SLAIN2: variants seen among roughly 807,000 people sequenced by gnomAD.
SLAIN2 encodes SLAIN family member 2.
In SLAIN2, 31 loss-of-function variants were observed where a neutral mutation model predicts 56.6. The ratio of observed to expected loss-of-function variants is 0.55; its 90% CI spans 0.41 to 0.74. The LOEUF is 0.74. SLAIN2 is among the 30% of genes least tolerant of loss of function. The probability of loss-of-function intolerance (pLI) is 0.00; values close to 1 mark genes in which losing one functional copy is unlikely to be tolerated. For missense variants in SLAIN2, 777 were observed against 754.2 expected (o/e 1.03, Z -0.35); for synonymous variants, 317 against 284.9 (o/e 1.11, Z -1.13).
intron 2 of SLAIN2, among the ~76,000 whole-genome samples, chr4:48,375,134 C>G (rs1371852409): frequency 6.6e-6 from 1 of 152,006 alleles, no homozygotes; most frequent in Non-Finnish European, 1.5e-5. Context: ...GATAAAAAGG[C>G]TTAGAACTTG....
In SLAIN2 at chr4:48,396,688, T is replaced by C. The variant is rs1211692202; in HGVS notation, c.1360+12904T>C. Among the ~76,000 whole-genome samples, 3 of 152,196 alleles carry C rather than the reference T, an allele frequency of 2.0e-5. No homozygotes were observed. The East Asian group carries it at 5.8e-4, about 29-fold the overall frequency. ...TAAAGAAACATGGACCAACAGGTGA[T>C]AAATTGGCACACAAATCAATTCATC... On this transcript the variant is annotated intron_variant, in intron 6 of 7. Transcript: ENST00000264313.
chr4:48,405,362 T>G (rs1716665998), intron 6 of SLAIN2, among the ~76,000 whole-genome samples: 1 of 152,210 alleles, frequency 6.6e-6, no homozygotes, highest in African/African-American at 2.4e-5. Flanking sequence ...AGTTTTGCCT[T>G]TTTGATATGT....
In SLAIN2 at chr4:48,420,233, A is replaced by G; in HGVS notation, c.1469A>G (p.Glu490Gly). 6.2e-7 allele frequency: 1 copy of G among 1,613,984 alleles called. No individual in the cohort carries two copies. The highest frequency in any genetic ancestry group is 1.1e-5 in the South Asian group (1 of 91,084). ...NHGSGSPGSQ[E>G]ITQLTQTTSS... is the part of the protein sequence containing the mutation. ...GGCTCTGGTTCTCCTGGTAGCCAAG[A>G]AATAACACAGCTCACACAAACCACC... is the stretch of plus-strand genomic sequence containing the variant. The change falls in exon 7 of 8, where the codon GAA becomes GGA. Residue 490 changes from glutamate to glycine, a missense_variant. Glu to Gly is a moderately conservative substitution (Grantham distance 98). Transcript: ENST00000264313.
intron 6 of SLAIN2, among the ~76,000 whole-genome samples, chr4:48,413,296 G>C (rs1393461017): frequency 1.3e-5 from 2 of 151,970 alleles, no homozygotes. Context: ...AAAGAATACT[G>C]ATCTGGGAAT....
chr4:48,405,637 C>A (rs552328346), intron 6 of SLAIN2, among the ~76,000 whole-genome samples: 1 of 151,836 alleles, frequency 6.6e-6, no homozygotes, highest in African/African-American at 2.4e-5. Flanking sequence ...GGTAGTAGTG[C>A]TTCTTTATCC....
At position 48,401,161 on chromosome 4, in the gene SLAIN2, A is replaced by G. The variant is rs560027072; in HGVS notation, c.1360+17377A>G. On this transcript the variant is annotated intron_variant, in intron 6 of 7. Transcript: ENST00000264313. ...TTGTGCTGTGGTCTGAGAGACTGTT[A>G]TGATTTCAGTTCTTTTGCATTTGCT... is the stretch of plus-strand genomic sequence containing the variant. 3.9e-5 allele frequency among the ~76,000 whole-genome samples: 6 copies of G among 152,252 alleles called. No individual in the cohort carries two copies. The South Asian group carries it at 1.0e-3, about 26-fold the overall frequency.
intron 6 of SLAIN2, among the ~76,000 whole-genome samples, chr4:48,405,359 C>A (rs1238393984): frequency 6.6e-6 from 1 of 151,984 alleles, no homozygotes; most frequent in Admixed American, 6.6e-5. Flanking sequence ...ACTAGTTTTG[C>A]CTTTTTGATA....
chr4:48,376,335 T>A (rs1285713864), intron 2 of SLAIN2, among the ~76,000 whole-genome samples: 2 of 151,780 alleles, frequency 1.3e-5, no homozygotes, highest in Non-Finnish European at 2.9e-5. Context: ...CATGCCTGTA[T>A]TCCCAGCTAT....
intron 6 of SLAIN2, among the ~76,000 whole-genome samples, chr4:48,414,503 A>T (rs1053700403): frequency 6.6e-6 from 1 of 150,522 alleles, no homozygotes; most frequent in Non-Finnish European, 1.5e-5. Flanking sequence ...GATTTATTAG[A>T]TTTATATGTA....
At chr4:48,380,036 T>C (rs1240545989) in intron 4 of SLAIN2, among the ~76,000 whole-genome samples, 188 bp downstream of exon 4, 2 of 152,102 alleles carry the variant, frequency 1.3e-5, no homozygotes, top group Non-Finnish European at 2.9e-5. Context: ...AGTCCATTTT[T>C]ACATAGAGCA....
intron 1 of SLAIN2, among the ~76,000 whole-genome samples, chr4:48,352,146 G>T (rs908973991): frequency 6.6e-6 from 1 of 152,138 alleles, no homozygotes; most frequent in African/African-American, 2.4e-5. Flanking sequence ...GGAGAGGTTA[G>T]TGTGGCAATA....
At chr4:48,421,376 T>C (rs1356905719) in intron 7 of SLAIN2, among the ~76,000 whole-genome samples, 1 of 152,176 alleles carries the variant, frequency 6.6e-6, no homozygotes, top group Non-Finnish European at 1.5e-5. Flanking sequence ...CTGTAACCTT[T>C]CAAGAATGGG....
Position 48,373,257 on chromosome 4 carries a change from C to T in SLAIN2, c.538+3260C>T, listed in dbSNP as rs186783104. 3.6e-3 allele frequency among the ~76,000 whole-genome samples: 552 copies of T among 152,284 alleles called. 4 individuals are homozygous for T. The highest frequency in any genetic ancestry group is 0.012 in the African/African-American group (510 of 41,554). ...CACTATCATATCCAGGTGAAAAGAG[C>T]TTTTAATCATCCTATACTAAACTTT... On this transcript the variant is annotated intron_variant, in intron 2 of 7. Coordinates refer to ENST00000264313, the MANE Select transcript of SLAIN2 (RefSeq NM_020846.2).
intron 6 of SLAIN2, among the ~76,000 whole-genome samples, chr4:48,419,109 C>CTTT (rs71191227): frequency 6.8e-6 from 1 of 147,182 alleles, no homozygotes; most frequent in Non-Finnish European, 1.5e-5. Context: ...TTCTGTTTTC[C>CTTT]TTTTTTTTTT....
rs750212863 is a variant in SLAIN2, at chr4:48,382,799, G to A, written c.1094G>A (p.Arg365Gln). Residue 365 changes from arginine to glutamine, a missense_variant, in exon 5 of 8, where the codon CGA (arginine) becomes CAA (glutamine). Transcript: ENST00000264313. ...TCACCCAGAAATTCACCTCGTTCAC[G>A]ATCTCCTGCTCGGGGAATAGAATAT... ...KQSPRNSPRS[R>Q]SPARGIEYSR... The A allele has an allele frequency of 5.1e-5, 82 of 1,613,596 alleles. No individual in the cohort carries two copies. Among genetic ancestry groups the A allele is most frequent in the Non-Finnish European group, 6.4e-5 (76 of 1,179,856 alleles).
chr4:48,412,769 C>G (rs976852839), intron 6 of SLAIN2, among the ~76,000 whole-genome samples: 1 of 152,012 alleles, frequency 6.6e-6, no homozygotes, highest in Non-Finnish European at 1.5e-5. Flanking sequence ...TAGTCGTGTA[C>G]GTTAATGGAA....
intron 6 of SLAIN2, among the ~76,000 whole-genome samples, chr4:48,397,196 A>C (rs1716422205): frequency 6.6e-6 from 1 of 152,214 alleles, no homozygotes; most frequent in Non-Finnish European, 1.5e-5. Context: ...GTGAATGCAG[A>C]GATAACAGGA....
At chr4:48,389,613 G>A (rs1174026829) in intron 6 of SLAIN2, among the ~76,000 whole-genome samples, 1 of 152,208 alleles carries the variant, frequency 6.6e-6, no homozygotes, top group Non-Finnish European at 1.5e-5. Context: ...GATATTAAAA[G>A]ATATCTCAGC....
At chr4:48,377,048 A>G (rs1248068678) in intron 2 of SLAIN2, among the ~76,000 whole-genome samples, 2 of 151,396 alleles carry the variant, frequency 1.3e-5, no homozygotes, top group African/African-American at 4.9e-5. Flanking sequence ...TAGCTTTTAG[A>G]AAAAGTAATA....
Sources: allele counts gnomAD v4.1 joint callset (sites outside exome capture counted in the v4.1 genomes callset), GRCh38; gene constraint gnomAD v4.1.1; transcripts MANE v1.5; gene names NCBI Gene and HGNC (gene_info 2026-07-23, HGNC 2026-07-21).